The following PTPRD variants were observed in gnomAD, a reference collection of about 807,000 sequenced individuals.
The protein encoded by PTPRD is receptor-type tyrosine-protein phosphatase delta.
Under a neutral mutation model 214.5 loss-of-function variants are expected in PTPRD, and 34 were observed. That is an observed-to-expected ratio of 0.16 (90% CI 0.12 to 0.21). PTPRD has a LOEUF of 0.21. Ranked by LOEUF, PTPRD falls within the 10% of genes least tolerant of loss-of-function variation. PTPRD has a pLI of 1.00. For synonymous variants in PTPRD, 1,128 were observed against 845.7 expected, an observed-to-expected ratio of 1.33 and a Z score of -5.79; for missense variants, 2,545 against 2,398.7, an observed-to-expected ratio of 1.06 and a Z score of -1.27.
chr9:10,536,226 T>C (rs777846198), intron 2 of PTPRD, among the ~76,000 whole-genome samples: 8 of 152,206 alleles, frequency 5.3e-5, no homozygotes, highest in Non-Finnish European at 1.2e-4. Flanking sequence ...AGCAATTATA[T>C]AGGAAAAAGT....
At chr9:9,054,862 G>A (rs116715745) in intron 10 of PTPRD, among the ~76,000 whole-genome samples, 314 of 152,252 alleles carry the variant, frequency 2.1e-3, no homozygotes, top group African/African-American at 6.9e-3. Context: ...CTCTGCTAGT[G>A]TTGTGCAAGG....
In PTPRD at chr9:8,419,299, G is replaced by A. The variant is rs55743439; in HGVS notation, c.4087-14639C>T. On this transcript the variant is annotated intron_variant, in intron 35 of 45. Coordinates refer to ENST00000381196, the MANE Select transcript of PTPRD (RefSeq NM_002839.4). Reference sequence around the variant, plus strand: ...TCAAGCTATTCAATAAAAGTAAACAGAATTTTATTCTGAAAAAGACAATAT... The same window carrying A: ...TCAAGCTATTCAATAAAAGTAAACAAAATTTTATTCTGAAAAAGACAATAT... Among the ~76,000 whole-genome samples the A allele has an allele frequency of 4.7e-5, 7 of 148,464 alleles. No individual in the cohort carries two copies. In the East Asian group the frequency reaches 1.4e-3, roughly 29 times the overall value.
At chr9:10,537,594 T>G (rs2058127214) in intron 2 of PTPRD, among the ~76,000 whole-genome samples, 1 of 152,192 alleles carries the variant, frequency 6.6e-6, no homozygotes, top group South Asian at 2.1e-4. Context: ...TCATTGTCTA[T>G]TCCTTCTATC....
chr9:10,277,849 T>A (rs2094809353), intron 3 of PTPRD, among the ~76,000 whole-genome samples: 1 of 151,976 alleles, frequency 6.6e-6, no homozygotes, highest in Admixed American at 6.6e-5. Flanking sequence ...GCTGAGTGCA[T>A]TAGGGATACT....
At chr9:10,269,121 C>T (rs1405033074) in intron 3 of PTPRD, among the ~76,000 whole-genome samples, 2 of 152,180 alleles carry the variant, frequency 1.3e-5, no homozygotes, top group African/African-American at 4.8e-5. Flanking sequence ...AAGATTTTCA[C>T]TCCACAAGCT....
intron 7 of PTPRD, among the ~76,000 whole-genome samples, chr9:9,691,114 T>G (rs1279387002): frequency 6.6e-6 from 1 of 151,918 alleles, no homozygotes; most frequent in African/African-American, 2.4e-5. Flanking sequence ...AAAATGGGTA[T>G]AAATCCATTC....
At chr9:9,326,243 C>G (rs895418600) in intron 9 of PTPRD, among the ~76,000 whole-genome samples, 1 of 152,028 alleles carries the variant, frequency 6.6e-6, no homozygotes, top group Admixed American at 6.6e-5. Flanking sequence ...TGATCTTTCA[C>G]TCAAATATCT....
At chr9:8,844,136 C>T (rs981523780) in intron 11 of PTPRD, among the ~76,000 whole-genome samples, 2 of 152,156 alleles carry the variant, frequency 1.3e-5, no homozygotes, top group African/African-American at 4.8e-5. Context: ...ATGCTTAAAA[C>T]ATCTAAAAGG....
At chr9:8,957,287 A>T (rs182713787) in intron 11 of PTPRD, among the ~76,000 whole-genome samples, 6 of 151,974 alleles carry the variant, frequency 3.9e-5, no homozygotes, top group African/African-American at 1.4e-4. Flanking sequence ...CAGATTTTTA[A>T]AATAGAGCAT....
At chr9:8,497,650 T>A (rs1356928673) in intron 25 of PTPRD, among the ~76,000 whole-genome samples, 1 of 152,220 alleles carries the variant, frequency 6.6e-6, no homozygotes, top group South Asian at 2.1e-4. Context: ...TTGACACTTA[T>A]AACTTCAATG....
At chr9:8,757,299 G>C (rs1249703860) in intron 11 of PTPRD, among the ~76,000 whole-genome samples, 1 of 152,090 alleles carries the variant, frequency 6.6e-6, no homozygotes, top group African/African-American at 2.4e-5. Flanking sequence ...AATTAGAAAA[G>C]CACGATAATA....
rs1207283429 is a variant in PTPRD, at chr9:10,003,605, A to G, written c.-472+30113T>C. Among the ~76,000 whole-genome samples, 3 of 151,822 alleles carry G rather than the reference A, an allele frequency of 2.0e-5. No homozygotes were observed. The East Asian group carries it at 5.8e-4, about 29-fold the overall frequency. On this transcript the variant is annotated intron_variant, in intron 4 of 45. Transcript: ENST00000381196. ...TATTCCAATGATAAATCTTTTTATA[A>G]GAGATAAAGTTAATACTAAAATAAC... is the stretch of plus-strand genomic sequence containing the variant.
chr9:8,495,419 G>C (rs1472674670), intron 26 of PTPRD, among the ~76,000 whole-genome samples: 1 of 152,010 alleles, frequency 6.6e-6, no homozygotes, highest in Admixed American at 6.6e-5. Flanking sequence ...ATCACTTCAT[G>C]ACTAAATTAG....
intron 2 of PTPRD, among the ~76,000 whole-genome samples, chr9:10,537,203 T>C (rs1291136249): frequency 6.6e-6 from 1 of 152,216 alleles, no homozygotes; most frequent in Non-Finnish European, 1.5e-5. Flanking sequence ...GTATTTCTTA[T>C]GTGAAAGAAA....
chr9:8,431,464 T>C (rs1297194949), intron 35 of PTPRD, among the ~76,000 whole-genome samples: 1 of 152,198 alleles, frequency 6.6e-6, no homozygotes, highest in Non-Finnish European at 1.5e-5. Context: ...TCAAAAATGC[T>C]CTTCTGTATT....
chr9:10,233,212 G>T lies in PTPRD; in HGVS notation c.-545+107751C>A, dbSNP rs2099617830. Among the ~76,000 whole-genome samples the T allele has an allele frequency of 2.0e-5, 3 of 152,018 alleles. No individual in the cohort carries two copies. In the South Asian group the frequency reaches 6.2e-4, roughly 31 times the overall value. On this transcript the variant is annotated intron_variant, in intron 3 of 45. Coordinates refer to ENST00000381196, the MANE Select transcript of PTPRD (RefSeq NM_002839.4). ...TGAAGATAATTCTGCTAGTTTCATA[G>T]AAATGATAGTGACTAAGGTCTAAGA...
chr9:9,368,434 C>A (rs189995050), intron 9 of PTPRD, among the ~76,000 whole-genome samples: 1 of 151,878 alleles, frequency 6.6e-6, no homozygotes, highest in Non-Finnish European at 1.5e-5. Flanking sequence ...TCTACTACAA[C>A]ACTCTGAGAG....
intron 35 of PTPRD, among the ~76,000 whole-genome samples, chr9:8,434,501 C>T (rs2095259675): frequency 6.6e-6 from 1 of 152,162 alleles, no homozygotes. Context: ...AAAGGTATCC[C>T]TGTCATCAAG....
intron 4 of PTPRD, among the ~76,000 whole-genome samples, chr9:9,942,628 G>A (rs79135932): frequency 6.6e-6 from 1 of 151,668 alleles, no homozygotes; most frequent in South Asian, 2.1e-4. Flanking sequence ...AAGATTGCTT[G>A]GGTGGGCCGA....
Sources: gnomAD v4.1 joint callset for allele counts (sites outside exome capture counted in the v4.1 genomes callset) on GRCh38, gnomAD v4.1.1 for gene constraint, MANE v1.5 for transcripts, NCBI Gene and HGNC (gene_info 2026-07-23, HGNC 2026-07-21) for gene names.